Variants in FAM135B observed in about 807,000 individuals in gnomAD.
FAM135B encodes the protein family with sequence similarity 135 member B, also known as protein FAM135B.
In FAM135B, 43 loss-of-function variants were observed where a neutral mutation model predicts 127.7. The ratio of observed to expected loss-of-function variants is 0.34; its 90% CI spans 0.26 to 0.43. The LOEUF is 0.43. Among genes scored for constraint, FAM135B ranks in the 20% least tolerant of loss-of-function variants. The probability of loss-of-function intolerance (pLI) is 1.00; values close to 1 mark genes in which losing one functional copy is unlikely to be tolerated. For missense variants in FAM135B, 1,558 were observed against 1,725.6 expected, an observed-to-expected ratio of 0.90 and a Z score of 1.72; for synonymous variants, 670 against 665.1, an observed-to-expected ratio of 1.01 and a Z score of -0.11.
At chr8:138,200,589 C>T (rs1817035781) in intron 7 of FAM135B, among the ~76,000 whole-genome samples, 1 of 152,162 alleles carries the variant, frequency 6.6e-6, no homozygotes, top group African/African-American at 2.4e-5. Context: ...AACAAAACCC[C>T]ATCAATATCA....
chr8:138,203,313 C>T (rs1353781124), intron 7 of FAM135B, among the ~76,000 whole-genome samples: 1 of 152,076 alleles, frequency 6.6e-6, no homozygotes, highest in East Asian at 1.9e-4. Context: ...TCCTTCTTTT[C>T]CCTCTGGTCT....
chr8:138,435,936 C>A (rs996061639), intron 1 of FAM135B, among the ~76,000 whole-genome samples: 1 of 152,096 alleles, frequency 6.6e-6, no homozygotes, highest in African/African-American at 2.4e-5. Context: ...ATTTCAAAAC[C>A]ACCTTGTTCT....
intron 9 of FAM135B, among the ~76,000 whole-genome samples, chr8:138,192,155 T>C (rs1216058647): frequency 6.6e-6 from 1 of 152,242 alleles, no homozygotes; most frequent in Non-Finnish European, 1.5e-5. Context: ...AACTAGCCAA[T>C]GTGCCAGCTT....
chr8:138,449,416 G>C (rs979660953), intron 1 of FAM135B, among the ~76,000 whole-genome samples: 1 of 152,090 alleles, frequency 6.6e-6, no homozygotes, highest in Non-Finnish European at 1.5e-5. Context: ...CTCTGAGAGA[G>C]GACGGAGCTC....
At chr8:138,432,084 G>A (rs1029162236) in intron 1 of FAM135B, among the ~76,000 whole-genome samples, 1 of 152,208 alleles carries the variant, frequency 6.6e-6, no homozygotes, top group African/African-American at 2.4e-5. Context: ...GGGGATGGGT[G>A]TAGGCTCCTT....
chr8:138,180,076 G>A (rs1334587289), intron 9 of FAM135B, among the ~76,000 whole-genome samples: 2 of 152,182 alleles, frequency 1.3e-5, no homozygotes, highest in African/African-American at 4.8e-5. Context: ...CCTTTGGACA[G>A]AAATGCTTTA....
chr8:138,281,484 T>C (rs1390153721), intron 3 of FAM135B, among the ~76,000 whole-genome samples: 1 of 151,722 alleles, frequency 6.6e-6, no homozygotes, highest in East Asian at 1.9e-4. Flanking sequence ...AAAAATCCTA[T>C]TGAGGTAAAT....
chr8:138,418,186 G>C (rs1428755525), intron 1 of FAM135B, among the ~76,000 whole-genome samples: 1 of 152,082 alleles, frequency 6.6e-6, no homozygotes, highest in African/African-American at 2.4e-5. Flanking sequence ...AATATACAAA[G>C]ATGATGAAAG....
At chr8:138,352,456 T>C (rs903201482) in intron 2 of FAM135B, among the ~76,000 whole-genome samples, 9 of 152,232 alleles carry the variant, frequency 5.9e-5, no homozygotes, top group Non-Finnish European at 1.0e-4. Context: ...CACAGTCTTA[T>C]GACTAGCTTC....
chr8:138,246,612 C>T lies in FAM135B; in HGVS notation c.543-3544G>A, dbSNP rs115193708. On this transcript the variant is annotated intron_variant, in intron 6 of 19. Transcript: ENST00000395297. Reference sequence around the variant, plus strand: ...TGGATGTCCAGGCAGAAGTTTGCTGCAGGAGCAGACCCCTCATGGAGAATC... The same window carrying T: ...TGGATGTCCAGGCAGAAGTTTGCTGTAGGAGCAGACCCCTCATGGAGAATC... 6.4e-3 allele frequency among the ~76,000 whole-genome samples: 976 copies of T among 152,274 alleles called. 5 individuals carry two copies. Among genetic ancestry groups the T allele is most frequent in the African/African-American group, 0.022 (926 of 41,562 alleles).
At chr8:138,164,149 C>T (rs1819677225) in intron 12 of FAM135B, among the ~76,000 whole-genome samples, 1 of 152,172 alleles carries the variant, frequency 6.6e-6, no homozygotes, top group Admixed American at 6.5e-5. Context: ...TTCTTTATCA[C>T]TCATGCTTTT....
chr8:138,416,638 T>C (rs1834172347), intron 1 of FAM135B, among the ~76,000 whole-genome samples: 1 of 152,094 alleles, frequency 6.6e-6, no homozygotes, highest in South Asian at 2.1e-4. Flanking sequence ...CTGGAGATAC[T>C]GAGCTGAAAC....
rs1323182586 is a variant in FAM135B, at chr8:138,177,331, T to A, written c.1103+16A>T. On this transcript the variant is annotated intron_variant, in intron 11 of 19. Coordinates refer to ENST00000395297, the MANE Select transcript of FAM135B (RefSeq NM_015912.4). Reference sequence around the variant, plus strand: ...GCTGCTTTTAGGGATGAAGTGGGCATGCAATGGATACTTACAGATTCTCCT... The same window carrying A: ...GCTGCTTTTAGGGATGAAGTGGGCAAGCAATGGATACTTACAGATTCTCCT... The A allele has an allele frequency of 6.2e-7, 1 of 1,611,610 alleles. No individual in the cohort carries two copies. Among genetic ancestry groups the A allele is most frequent in the South Asian group, 1.1e-5 (1 of 90,664 alleles).
Position 138,255,026 on chromosome 8 carries a change from CTT to C in FAM135B, c.368+1661_368+1662del, listed in dbSNP as rs5895505. On this transcript the variant is annotated intron_variant, in intron 5 of 19. Transcript: ENST00000395297. ...AAGAAGTTCTGAGAAGAAATCTGAA[CTT>C]TTTTTTTTTTTTTTTTTTTGAGACA... Among the ~76,000 whole-genome samples, 306 of 118,656 alleles carry C rather than the reference CTT, an allele frequency of 2.6e-3. 1 individual carries two copies. The highest frequency in any genetic ancestry group is 7.4e-3 in the African/African-American group (227 of 30,706). 77.8% of individuals were successfully genotyped at this position (118,656 alleles called of 152,430 possible). A position where few individuals can be genotyped will look rare whatever the true frequency, so the allele number is the denominator to read the frequency against.
At chr8:138,307,732 T>TA (rs60272179) in intron 3 of FAM135B, among the ~76,000 whole-genome samples, 5 of 131,694 alleles carry the variant, frequency 3.8e-5, no homozygotes, top group Admixed American at 1.5e-4. Context: ...CCCATTGTGG[T>TA]AAAAAAAAAA....
chr8:138,303,755 C>T (rs1826049130), intron 3 of FAM135B, among the ~76,000 whole-genome samples: 1 of 152,144 alleles, frequency 6.6e-6, no homozygotes, highest in Admixed American at 6.5e-5. Context: ...CATGAGAATC[C>T]ATGCGTATGT....
intron 3 of FAM135B, among the ~76,000 whole-genome samples, chr8:138,299,061 A>T (rs1825679123): frequency 4.8e-5 from 1 of 21,022 alleles, no homozygotes; most frequent in African/African-American, 2.0e-4. Context: ...TTCAGTCTCA[A>T]AATAAATAAA....
intron 2 of FAM135B, among the ~76,000 whole-genome samples, chr8:138,348,044 A>C (rs113029988): frequency 2.6e-5 from 4 of 151,626 alleles, no homozygotes; most frequent in African/African-American, 9.7e-5. Flanking sequence ...AAATATGTAC[A>C]ATGAGGTCCT....
intron 5 of FAM135B, 32 bp from the exon 6 acceptor site, chr8:138,251,046 A>G (rs761742540): frequency 6.2e-7 from 1 of 1,611,316 alleles, no homozygotes; most frequent in South Asian, 1.1e-5. Context: ...TCACGTGAGA[A>G]ATGGTGGGTT....
Sources: gnomAD v4.1 joint callset for allele counts (sites outside exome capture counted in the v4.1 genomes callset) on GRCh38, gnomAD v4.1.1 for gene constraint, MANE v1.5 for transcripts, NCBI Gene and HGNC (gene_info 2026-07-23, HGNC 2026-07-21) for gene names.